SEMA6D: variants seen among roughly 807,000 people sequenced by gnomAD.
The protein encoded by SEMA6D is semaphorin 6D.
SEMA6D carries 35 observed loss-of-function variants against 106.6 expected under a neutral mutation model. That is an observed-to-expected ratio of 0.33 (90% CI 0.25 to 0.44). The LOEUF (loss-of-function observed/expected upper bound fraction) is 0.44, where lower values mean the gene tolerates loss of function less well. Ranked by LOEUF, SEMA6D falls within the 20% of genes least tolerant of loss-of-function variation. The probability of loss-of-function intolerance (pLI) is 1.00; values close to 1 mark genes in which losing one functional copy is unlikely to be tolerated. For missense variants in SEMA6D, 1,185 were observed against 1,345.9 expected (o/e 0.88, Z 1.87); for synonymous variants, 499 against 487.7 (o/e 1.02, Z -0.31).
chr15:47,540,820 T>A (rs1440318181), intron 3 of SEMA6D, among the ~76,000 whole-genome samples: 1 of 151,846 alleles, frequency 6.6e-6, no homozygotes, highest in African/African-American at 2.4e-5. Flanking sequence ...AAAAATAGAG[T>A]GTCCCAGGTG....
intron 1 of SEMA6D, among the ~76,000 whole-genome samples, chr15:47,258,059 A>T (rs1245757367): frequency 2.0e-5 from 3 of 152,120 alleles, no homozygotes; most frequent in African/African-American, 7.2e-5. Flanking sequence ...CAGCCACTTG[A>T]GCATTTTTGA....
At chr15:47,491,377 T>C (rs1264721496) in intron 3 of SEMA6D, among the ~76,000 whole-genome samples, 1 of 152,126 alleles carries the variant, frequency 6.6e-6, no homozygotes, top group African/African-American at 2.4e-5. Flanking sequence ...AGTAACATAA[T>C]GTGCAATGAG....
chr15:47,663,122 G>C (rs1243747329), intron 4 of SEMA6D, among the ~76,000 whole-genome samples: 2 of 152,074 alleles, frequency 1.3e-5, no homozygotes, highest in Non-Finnish European at 2.9e-5. Context: ...ATTTAAAAAC[G>C]TTTATAAGGC....
intron 3 of SEMA6D, among the ~76,000 whole-genome samples, chr15:47,577,058 AG>A (rs1288903868): frequency 6.6e-6 from 1 of 152,228 alleles, no homozygotes; most frequent in Non-Finnish European, 1.5e-5. Context: ...TCCCCAAGCT[AG>A]GATTTTTGTT....
chr15:47,478,269 A>G (rs1006839325), intron 3 of SEMA6D, among the ~76,000 whole-genome samples: 1 of 152,174 alleles, frequency 6.6e-6, no homozygotes, highest in African/African-American at 2.4e-5. Context: ...TTTTGACTGC[A>G]TGTGAAAGCC....
At chr15:47,582,432 A>G (rs1379107012) in intron 3 of SEMA6D, among the ~76,000 whole-genome samples, 2 of 152,236 alleles carry the variant, frequency 1.3e-5, no homozygotes, top group African/African-American at 4.8e-5. Flanking sequence ...TTAACTTGAC[A>G]ATAGGCTAAA....
intron 3 of SEMA6D, among the ~76,000 whole-genome samples, chr15:47,521,532 T>G (rs1480425637): frequency 6.6e-6 from 1 of 152,188 alleles, no homozygotes; most frequent in East Asian, 1.9e-4. Flanking sequence ...AGTAAATGGA[T>G]GACTCCTACC....
intron 1 of SEMA6D, among the ~76,000 whole-genome samples, chr15:47,213,023 C>T (rs1228041710): frequency 6.6e-6 from 1 of 151,966 alleles, no homozygotes. Context: ...ATAAGGGATC[C>T]GTTAGTTCTG....
chr15:47,522,598 G>A (rs2044622476), intron 3 of SEMA6D, among the ~76,000 whole-genome samples: 1 of 152,184 alleles, frequency 6.6e-6, no homozygotes. Context: ...GGAAGCCAAA[G>A]GGGGTCTTTA....
intron 4 of SEMA6D, among the ~76,000 whole-genome samples, chr15:47,657,226 A>T (rs1366891927): frequency 6.6e-6 from 1 of 152,218 alleles, no homozygotes; most frequent in East Asian, 1.9e-4. Flanking sequence ...GAGTGAACTG[A>T]GCAGTAAGTT....
chr15:47,714,089 C>CTGAA (rs1255781218), upstream of SEMA6D, among the ~76,000 whole-genome samples: 4 of 152,136 alleles, frequency 2.6e-5, no homozygotes, highest in Non-Finnish European at 4.4e-5. Flanking sequence ...GATGAGAAGA[C>CTGAA]TGAAGCATGT....
intron 1 of SEMA6D, among the ~76,000 whole-genome samples, chr15:47,186,034 T>G (rs1893543936): frequency 6.6e-6 from 1 of 152,082 alleles, no homozygotes; most frequent in African/African-American, 2.4e-5. Context: ...ATATACAATA[T>G]TTGTGTATAT....
chr15:47,371,547 G>A (rs2039272853), intron 1 of SEMA6D, among the ~76,000 whole-genome samples: 1 of 152,102 alleles, frequency 6.6e-6, no homozygotes, highest in Non-Finnish European at 1.5e-5. Context: ...TCCAGGAAGG[G>A]TAGAAGGAAG....
chr15:47,582,687 C>T (rs1322891111), intron 3 of SEMA6D, among the ~76,000 whole-genome samples: 4 of 152,092 alleles, frequency 2.6e-5, no homozygotes, highest in Non-Finnish European at 2.9e-5. Context: ...GGGGAGGAGA[C>T]GGTGGGTGAT....
chr15:47,695,457 G>A (rs1210300048), intron 4 of SEMA6D, among the ~76,000 whole-genome samples: 1 of 151,942 alleles, frequency 6.6e-6, no homozygotes, highest in Non-Finnish European at 1.5e-5. Flanking sequence ...TCTGAATTAT[G>A]GAAGCCCTGA....
At chr15:47,756,105 A>G (rs950671742) in intron 1 of SEMA6D, among the ~76,000 whole-genome samples, 2 of 152,102 alleles carry the variant, frequency 1.3e-5, no homozygotes, top group East Asian at 1.9e-4. Flanking sequence ...CTGAATAAAC[A>G]TAGCTAGTCA....
At chr15:47,314,421 A>C (rs1595709681) in intron 1 of SEMA6D, among the ~76,000 whole-genome samples, 1 of 149,098 alleles carries the variant, frequency 6.7e-6, no homozygotes, top group African/African-American at 2.5e-5. Flanking sequence ...AAACGGTGAA[A>C]CCCCGTCTCT....
chr15:47,728,969 G>T (rs766005124), intron 1 of SEMA6D, among the ~76,000 whole-genome samples: 2 of 152,052 alleles, frequency 1.3e-5, no homozygotes, highest in South Asian at 4.1e-4. Context: ...AGTCCCTCTC[G>T]CCATGTAAGG....
At chr15:47,657,572 G>T (rs551274629) in intron 4 of SEMA6D, among the ~76,000 whole-genome samples, 7 of 151,772 alleles carry the variant, frequency 4.6e-5, no homozygotes, top group Non-Finnish European at 1.0e-4. Context: ...CAGAAAGAAA[G>T]AGAATATATC....
Sources: gnomAD v4.1 joint callset for allele counts (sites outside exome capture counted in the v4.1 genomes callset) on GRCh38, gnomAD v4.1.1 for gene constraint, MANE v1.5 for transcripts, NCBI Gene and HGNC (gene_info 2026-07-23, HGNC 2026-07-21) for gene names.